Variants in PLCL1 observed in about 807,000 individuals in gnomAD.
The protein encoded by PLCL1 is phospholipase C like 1 (inactive).
In PLCL1, 41 loss-of-function variants were observed where a neutral mutation model predicts 84.4. The ratio of observed to expected loss-of-function variants is 0.49; its 90% CI spans 0.38 to 0.63. The LOEUF is 0.63. PLCL1 is among the 30% of genes least tolerant of loss of function. The pLI is 0.00. For synonymous variants in PLCL1, 490 were observed against 488.3 expected (o/e 1.00, Z -0.05); for missense variants, 1,206 against 1,367.8 (o/e 0.88, Z 1.87).
intron 5 of PLCL1, among the ~76,000 whole-genome samples, chr2:198,114,609 G>A (rs993633040): frequency 2.0e-5 from 3 of 151,774 alleles, no homozygotes; most frequent in Non-Finnish European, 4.4e-5. Context: ...TTCTTACAGT[G>A]ATATAAGTGG....
intron 1 of PLCL1, among the ~76,000 whole-genome samples, chr2:197,917,661 G>T (rs180842029): frequency 6.6e-6 from 1 of 152,310 alleles, no homozygotes; most frequent in East Asian, 1.9e-4. Context: ...AGGATTGAAT[G>T]CAGAATGTGA....
intron 5 of PLCL1, among the ~76,000 whole-genome samples, chr2:198,106,624 A>G (rs941896967): frequency 6.6e-6 from 1 of 151,974 alleles, no homozygotes; most frequent in Non-Finnish European, 1.5e-5. Context: ...TGCTAGGGAT[A>G]CAAATATCAG....
chr2:198,036,812 G>A (rs897331613), intron 1 of PLCL1, among the ~76,000 whole-genome samples: 1 of 144,034 alleles, frequency 6.9e-6, no homozygotes, highest in Admixed American at 7.1e-5. Flanking sequence ...TTAACAGCAA[G>A]CAAAGTAAAA....
intron 1 of PLCL1, among the ~76,000 whole-genome samples, chr2:198,080,574 A>G (rs1289903475): frequency 6.6e-6 from 1 of 152,216 alleles, no homozygotes. Context: ...TACTGAAAGA[A>G]CAGCGTGATT....
intron 3 of PLCL1, among the ~76,000 whole-genome samples, chr2:198,098,579 A>G (rs2105910153): frequency 6.6e-6 from 1 of 152,316 alleles, no homozygotes; most frequent in South Asian, 2.1e-4. Context: ...TTTCAACTAT[A>G]AAATGTGGTT....
At chr2:198,079,733 AT>A (rs965549832) in intron 1 of PLCL1, among the ~76,000 whole-genome samples, 6 of 152,034 alleles carry the variant, frequency 3.9e-5, no homozygotes, top group Non-Finnish European at 5.9e-5. Context: ...AATTTTGTTA[AT>A]TTTTTTTAAT....
At chr2:198,006,579 G>A (rs1690733895) in intron 1 of PLCL1, among the ~76,000 whole-genome samples, 1 of 152,006 alleles carries the variant, frequency 6.6e-6, no homozygotes, top group African/African-American at 2.4e-5. Context: ...GTTTATTTTT[G>A]CCACATATAT....
At chr2:198,025,187 TA>T (rs1425889581) in intron 1 of PLCL1, among the ~76,000 whole-genome samples, 6 of 152,222 alleles carry the variant, frequency 3.9e-5, no homozygotes, top group Admixed American at 3.3e-4. Context: ...GTCTGTTCTC[TA>T]TACCCTTTTA....
At chr2:198,134,187 G>A (rs566703430) in intron 5 of PLCL1, among the ~76,000 whole-genome samples, 13 of 146,042 alleles carry the variant, frequency 8.9e-5, no homozygotes, top group African/African-American at 2.5e-4. Context: ...GGTGTAGATG[G>A]CTTGAGTCTG....
At chr2:197,952,215 A>C (rs1038139333) in intron 1 of PLCL1, among the ~76,000 whole-genome samples, 1 of 152,180 alleles carries the variant, frequency 6.6e-6, no homozygotes, top group Non-Finnish European at 1.5e-5. Context: ...CCTGGTGTTC[A>C]AGAAAGTGCT....
At chr2:197,961,786 G>A (rs993684032) in intron 1 of PLCL1, among the ~76,000 whole-genome samples, 3 of 152,006 alleles carry the variant, frequency 2.0e-5, no homozygotes, top group Admixed American at 6.6e-5. Flanking sequence ...TGATTTACAG[G>A]ATAGGTGATA....
chr2:197,857,071 C>T (rs924289893), intron 1 of PLCL1, among the ~76,000 whole-genome samples: 1 of 151,974 alleles, frequency 6.6e-6, no homozygotes, highest in African/African-American at 2.4e-5. Flanking sequence ...GTGCATCAAA[C>T]CACTGTGGCA....
intron 5 of PLCL1, among the ~76,000 whole-genome samples, chr2:198,138,209 G>C (rs193119636): frequency 6.6e-6 from 1 of 152,192 alleles, no homozygotes; most frequent in East Asian, 1.9e-4. Context: ...AGTCCTTCAC[G>C]CTGTACAGGA....
chr2:197,834,107 G>A (rs188587371), intron 1 of PLCL1, among the ~76,000 whole-genome samples: 230 of 152,238 alleles, frequency 1.5e-3, no homozygotes, highest in Non-Finnish European at 2.1e-3. Context: ...AAACTGGCTC[G>A]CCATATGCAG....
At chr2:197,826,749 T>C (rs1164983067) in intron 1 of PLCL1, among the ~76,000 whole-genome samples, 1 of 152,136 alleles carries the variant, frequency 6.6e-6, no homozygotes, top group African/African-American at 2.4e-5. Flanking sequence ...AAATAGAATA[T>C]AGGTGCTGTA....
intron 1 of PLCL1, among the ~76,000 whole-genome samples, chr2:197,828,318 G>A (rs751677371): frequency 1.3e-5 from 2 of 151,988 alleles, no homozygotes; most frequent in Non-Finnish European, 2.9e-5. Context: ...TTATTGAGAC[G>A]TTTTGATGAT....
rs147570378 is a variant in PLCL1, at chr2:198,061,890, A to C, written c.241-21868A>C. ...CTGGGATTACAGGTGTGAGCCACTG[A>C]GCCTGGCTGCAAATGTATTATAAGG... On this transcript the variant is annotated intron_variant, in intron 1 of 5. Transcript: ENST00000428675. Among the ~76,000 whole-genome samples, 517 of 152,232 alleles carry C rather than the reference A, an allele frequency of 3.4e-3. 3 individuals carry two copies. The highest frequency in any genetic ancestry group is 0.012 in the African/African-American group (487 of 41,534).
At chr2:198,109,053 C>G (rs1399643321) in intron 5 of PLCL1, among the ~76,000 whole-genome samples, 1 of 151,858 alleles carries the variant, frequency 6.6e-6, no homozygotes, top group Non-Finnish European at 1.5e-5. Flanking sequence ...CCCTCTGTTT[C>G]TTCTCCATGA....
At chr2:198,120,252 A>C (rs1693837645) in intron 5 of PLCL1, among the ~76,000 whole-genome samples, 1 of 152,016 alleles carries the variant, frequency 6.6e-6, no homozygotes, top group Non-Finnish European at 1.5e-5. Flanking sequence ...ACAGACATGC[A>C]ATGCATAATA....
Sources: allele counts gnomAD v4.1 joint callset (sites outside exome capture counted in the v4.1 genomes callset), GRCh38; gene constraint gnomAD v4.1.1; transcripts MANE v1.5; gene names NCBI Gene and HGNC (gene_info 2026-07-23, HGNC 2026-07-21).